The following PAK1IP1 variants were observed in gnomAD, a reference collection of about 807,000 sequenced individuals.
PAK1IP1 encodes the protein p21-activated protein kinase-interacting protein 1.
PAK1IP1 carries 24 observed loss-of-function variants against 42.0 expected under a neutral mutation model. That is an observed-to-expected ratio of 0.57 (90% confidence interval 0.41 to 0.80). PAK1IP1 has a LOEUF of 0.80. Among genes scored for constraint, PAK1IP1 ranks in the 30% least tolerant of loss-of-function variants. PAK1IP1 has a pLI of 0.00. For missense variants in PAK1IP1, 411 were observed against 467.9 expected (o/e 0.88, Z 1.12); for synonymous variants, 154 against 156.7 (o/e 0.98, Z 0.13).
upstream of PAK1IP1, chr6:10,694,586 GCTACAGCCCCTA>G: frequency 2.7e-5 from 5 of 185,688 alleles, no homozygotes; most frequent in South Asian, 8.3e-5. Flanking sequence ...CGCTGCCGGC[GCTACAGCCCCTA>G]AGCAACCGGC....
intron 2 of PAK1IP1, among the ~76,000 whole-genome samples, chr6:10,699,761 T>C (rs1018092323): frequency 2.0e-5 from 3 of 152,206 alleles, no homozygotes; most frequent in Non-Finnish European, 4.4e-5. Context: ...AGCAGTAAAT[T>C]TGCAGCGATA....
At position 10,703,130 on chromosome 6, in the gene PAK1IP1, A is replaced by G. The variant is rs141566375; in HGVS notation, c.444-275A>G. Among the ~76,000 whole-genome samples the G allele has an allele frequency of 1.4e-3, 211 of 152,318 alleles. No individual in the cohort carries two copies. The Middle Eastern group carries it at 0.027, about 20-fold the overall frequency. ...AACAAGCTCCGTTTTCAAACATGCA[A>G]TTATGCTGCAGTCATCATAGCTGTG... On this transcript the variant is annotated intron_variant, in intron 4 of 9. Coordinates refer to ENST00000379568, the MANE Select transcript of PAK1IP1 (RefSeq NM_017906.3).
At chr6:10,697,596 TAG>T in intron 2 of PAK1IP1, 110 bp downstream of exon 2, 2 of 864,992 alleles carry the variant, frequency 2.3e-6, no homozygotes, top group Non-Finnish European at 3.5e-6. Flanking sequence ...TGCTAGAAGA[TAG>T]AGGAATTTTA....
chr6:10,701,538 G>A (rs962975244), intron 2 of PAK1IP1, among the ~76,000 whole-genome samples: 5 of 152,198 alleles, frequency 3.3e-5, no homozygotes, highest in African/African-American at 1.2e-4. Context: ...GGAAGCAAAT[G>A]TGGGAAACCA....
upstream of PAK1IP1, chr6:10,694,629 T>TTCACAA: frequency 5.2e-6 from 1 of 191,774 alleles, no homozygotes; most frequent in Non-Finnish European, 1.1e-5. Flanking sequence ...CCCCACCTCC[T>TTCACAA]CCTGATGTCA....
upstream of PAK1IP1, among the ~76,000 whole-genome samples, chr6:10,691,399 G>A (rs755980237): frequency 1.4e-4 from 21 of 150,276 alleles, no homozygotes; most frequent in Admixed American, 2.6e-4. Flanking sequence ...CTGAGCAAGC[G>A]GGGGTACATG....
At chr6:10,706,386 T>C (rs984280357) in intron 7 of PAK1IP1, among the ~76,000 whole-genome samples, 6 of 151,940 alleles carry the variant, frequency 3.9e-5, no homozygotes. Flanking sequence ...TAATTTTTCT[T>C]ACTATGGAAA....
Position 10,695,016 on chromosome 6 carries a change from G to T in PAK1IP1, c.31G>T (p.Val11Phe). 1 of 1,602,924 alleles carries T rather than the reference G, an allele frequency of 6.2e-7. No homozygotes were observed. The stretch of plus-strand genomic sequence containing the variant: ...GCTGGTCGCTGGTTGCTACGAGCAG[G>T]TCCTCTTTGGGTTCGCTGTACACCC... MELVAGCYEQ[V>F]LFGFAVHPEP... Residue 11 changes from valine (V) to phenylalanine (F), a missense_variant, in exon 1 of 10, where the codon GTC (valine) becomes TTC (phenylalanine). By Grantham distance (50) the Val-to-Phe change is conservative (BLOSUM62 -1). Coordinates refer to ENST00000379568, the MANE Select transcript of PAK1IP1 (RefSeq NM_017906.3).
chr6:10,707,744 C>T (rs556462593), intron 8 of PAK1IP1, among the ~76,000 whole-genome samples: 1 of 152,276 alleles, frequency 6.6e-6, no homozygotes, highest in East Asian at 1.9e-4. Context: ...TCTTTTTAGT[C>T]AGAGAAGCTC....
intron 1 of PAK1IP1, 32 bp downstream of exon 1, chr6:10,695,101 G>C: frequency 6.9e-7 from 1 of 1,453,958 alleles, no homozygotes; most frequent in African/African-American, 1.4e-5. Flanking sequence ...GACAGTCGGA[G>C]GCGGGGCCGG....
chr6:10,693,072 ACT>A (rs532330397), upstream of PAK1IP1, among the ~76,000 whole-genome samples: 463 of 152,220 alleles, frequency 3.0e-3, 4 homozygotes, highest in African/African-American at 9.5e-3. Context: ...TGTGCTAATA[ACT>A]CTGTTAAGCC....
At position 10,709,371 on chromosome 6, in the gene PAK1IP1, C is replaced by T. The variant is rs148756388; in HGVS notation, c.1098C>T (p.Gly366=). 2,387 of 1,612,944 alleles carry T rather than the reference C, an allele frequency of 1.5e-3. 8 individuals are homozygous for T. Among genetic ancestry groups the T allele is most frequent in the Middle Eastern group, 1.8e-3 (11 of 6,062 alleles). ...GDSKKATKES[G]LISTKKRKMV... ...GTAAGAAAGCAACAAAAGAAAGTGG[C>T]CTGATATCAACCAAGAAGAGGAAAA... Residue 366 remains glycine, a synonymous_variant, in exon 10 of 10, where the codon GGC becomes GGT. Transcript: ENST00000379568.
At chr6:10,708,840 A>G (rs1398272140) in intron 8 of PAK1IP1, 113 bp from the exon 9 acceptor site, 1 of 866,326 alleles carries the variant, frequency 1.2e-6, no homozygotes, top group Non-Finnish European at 1.8e-6. Flanking sequence ...TTGCTTCTGA[A>G]TATCATATTT....
At chr6:10,706,178 A>T (rs749717355) in intron 7 of PAK1IP1, among the ~76,000 whole-genome samples, 12 of 152,114 alleles carry the variant, frequency 7.9e-5, no homozygotes, top group Non-Finnish European at 1.3e-4. Flanking sequence ...ATTGGTTTAG[A>T]TAGGATGATG....
At chr6:10,708,036 A>C (rs952495408) in intron 8 of PAK1IP1, among the ~76,000 whole-genome samples, 1 of 124,790 alleles carries the variant, frequency 8.0e-6, no homozygotes, top group Non-Finnish European at 1.7e-5. Context: ...TTTCTTTAGA[A>C]TTTTCTTTTT....
At chr6:10,695,136 A>C (rs969865451) in intron 1 of PAK1IP1, 67 bp downstream of exon 1, 2 of 965,022 alleles carry the variant, frequency 2.1e-6, no homozygotes, top group Non-Finnish European at 3.3e-6. Context: ...GTTCCTACAC[A>C]GCAGAGGTGA....
At position 10,709,452 on chromosome 6, in the gene PAK1IP1, A is replaced by G; in HGVS notation, c.1179A>G (p.Ter393TrpextTer6). The G allele has an allele frequency of 6.3e-7, 1 of 1,585,394 alleles. No homozygotes were observed. Among genetic ancestry groups the G allele is most frequent in the Non-Finnish European group, 8.6e-7 (1 of 1,157,100 alleles). ...RKKKKIKTMQ* is the reference protein window; with the variant it reads ...RKKKKIKTMQW Reference sequence around the variant, plus strand: ...AGAAGAAAATAAAAACAATGCAGTGAATCACAGATGTCTCCTGAAAGAACT... The same window carrying G: ...AGAAGAAAATAAAAACAATGCAGTGGATCACAGATGTCTCCTGAAAGAACT... Residue 393 changes from the stop codon to tryptophan, a stop_lost, in exon 10 of 10, where the codon TGA becomes TGG. Transcript: ENST00000379568.
In PAK1IP1 at chr6:10,704,601, T is replaced by C. The variant is rs1354865183; in HGVS notation, c.591T>C (p.Ile197=). 1.2e-6 allele frequency: 2 copies of C among 1,609,086 alleles called. No individual in the cohort carries two copies. Among genetic ancestry groups the C allele is most frequent in the South Asian group, 1.1e-5 (1 of 90,616 alleles). ...TCTATCAGCTTGACACTGCATCCAT[T>C]AGTGGCACCATCACAAATGAAAAGA... is the stretch of plus-strand genomic sequence containing the variant. ...IDIYQLDTAS[I]SGTITNEKRI... Residue 197 remains isoleucine (I), a synonymous_variant, in exon 6 of 10, where the codon ATT becomes ATC. Coordinates refer to ENST00000379568, the MANE Select transcript of PAK1IP1 (RefSeq NM_017906.3).
At chr6:10,705,142 G>C (rs1770162670) in intron 7 of PAK1IP1, among the ~76,000 whole-genome samples, 1 of 152,046 alleles carries the variant, frequency 6.6e-6, no homozygotes, top group Non-Finnish European at 1.5e-5. Flanking sequence ...GGCCAACATG[G>C]TGAAACCCCG....
Sources: gnomAD v4.1 joint callset for allele counts (sites outside exome capture counted in the v4.1 genomes callset) on GRCh38, gnomAD v4.1.1 for gene constraint, MANE v1.5 for transcripts, NCBI Gene and HGNC (gene_info 2026-07-23, HGNC 2026-07-21) for gene names.